The following EPHB4 variants were observed in gnomAD, a reference collection of about 807,000 sequenced individuals.
EPHB4 encodes EPH receptor B4.
Under a neutral mutation model 110.6 loss-of-function variants are expected in EPHB4, and 50 were observed. The observed-to-expected ratio is 0.45, with a 90% CI of 0.36 to 0.57. The LOEUF (loss-of-function observed/expected upper bound fraction) is 0.57, where lower values mean the gene tolerates loss of function less well. Among genes scored for constraint, EPHB4 ranks in the 20% least tolerant of loss-of-function variants. The pLI is 0.00. For missense variants in EPHB4, 1,128 were observed against 1,382.1 expected, an observed-to-expected ratio of 0.82 and a Z score of 2.91; for synonymous variants, 592 against 578.4, an observed-to-expected ratio of 1.02 and a Z score of -0.34.
Position 100,817,314 on chromosome 7 carries a change from T to C in EPHB4, c.1466A>G (p.Glu489Gly), listed in dbSNP as rs1304009447. ...PSSVRFLKTS[E>G]NRAELRGLKR... ...CAGCCCCCGCAGCTCTGCCCGGTTT[T>C]CTGACGTCTTCAGGAACCGCACGCT... The change falls in exon 8 of 17, where the codon GAA becomes GGA. Residue 489 changes from glutamate to glycine, a missense_variant. This residue lies in a region of EPHB4 where 728 missense variants were observed against 828.6 expected (regional missense o/e 0.88). Coordinates refer to ENST00000358173, the MANE Select transcript of EPHB4 (RefSeq NM_004444.5). The C allele has an allele frequency of 1.3e-6, 2 of 1,589,896 alleles. No homozygotes were observed. Among genetic ancestry groups the C allele is most frequent in the Non-Finnish European group, 1.7e-6 (2 of 1,169,114 alleles).
At chr7:100,814,880 G>T (rs1813028503) in intron 8 of EPHB4, among the ~76,000 whole-genome samples, 1 of 151,900 alleles carries the variant, frequency 6.6e-6, no homozygotes, top group African/African-American at 2.4e-5. Context: ...AGCCAAGCAT[G>T]GTGGTGAGCA....
rs1226681210 is a variant in EPHB4 at position 100,827,026 on chromosome 7, T to C, written c.5A>G (p.Glu2Gly). The C allele has an allele frequency of 1.3e-6, 2 of 1,582,476 alleles. No individual in the cohort carries two copies. The highest frequency in any genetic ancestry group is 4.7e-5 in the East Asian group (2 of 42,560). Residue 2 changes from glutamate (E) to glycine (G), a missense_variant, in exon 1 of 17, where the codon GAG becomes GGG. Around this residue, in one of 3 missense-constraint regions of EPHB4, gnomAD observed 728 missense variants for 828.6 expected, o/e 0.88. Transcript: ENST00000358173. The part of the protein sequence containing the change: M[E>G]LRVLLCWASL... The stretch of plus-strand genomic sequence containing the variant: ...AGCCCAGCAGAGCAGCACCCGGAGC[T>C]CCATGGCGCCGCCTCACTCGGGTAG...
chr7:100,826,413 T>C (rs1813398006), intron 1 of EPHB4, among the ~76,000 whole-genome samples: 2 of 152,062 alleles, frequency 1.3e-5, no homozygotes, highest in African/African-American at 4.8e-5. Context: ...GGAGCCACCC[T>C]ATACCAGGGG....
At chr7:100,811,317 C>T (rs1355034495) in intron 12 of EPHB4, among the ~76,000 whole-genome samples, 1 of 151,268 alleles carries the variant, frequency 6.6e-6, no homozygotes, top group Non-Finnish European at 1.5e-5. Flanking sequence ...GGTAAAGTGA[C>T]CAAATAAATT....
chr7:100,807,267 T>C, intron 13 of EPHB4, 98 bp downstream of exon 13: 1 of 1,287,116 alleles, frequency 7.8e-7, no homozygotes, highest in South Asian at 1.3e-5. Flanking sequence ...ATCCTCTCCC[T>C]GGAGCAGGGC....
In EPHB4 at chr7:100,823,914, G is replaced by C. The variant is rs1004215157; in HGVS notation, c.141C>G (p.Gly47=). 1.3e-6 allele frequency: 2 copies of C among 1,593,232 alleles called. No homozygotes were observed. Among genetic ancestry groups the C allele is most frequent in the Non-Finnish European group, 1.7e-6 (2 of 1,169,664 alleles). The change falls in exon 3 of 17, where the codon GGC becomes GGG. Residue 47 remains glycine (G), a synonymous_variant. Coordinates refer to ENST00000358173, the MANE Select transcript of EPHB4 (RefSeq NM_004444.5). ...QVDGQWEELS[G]LDEEQHSVRT... ...GCACGCTGTGCTGTTCCTCATCCAG[G>C]CCGCTCAGTTCCTCCCACTGTGCAG... is the stretch of plus-strand genomic sequence containing the variant.
chr7:100,822,413 G>T lies in EPHB4; in HGVS notation c.666C>A (p.Ser222Arg), dbSNP rs534237588. ...GGGCGGGGACGGCATCCACCACGCA[G>T]CTACCGGCCACGGGCACAACCAGCT... ...PRELVVPVAG[S>R]CVVDAVPAPG... Residue 222 changes from serine to arginine, a missense_variant, in exon 4 of 17, where the codon AGC (serine) becomes AGA (arginine). Coordinates refer to ENST00000358173, the MANE Select transcript of EPHB4 (RefSeq NM_004444.5). The surrounding 1 kb of genome is among the most constrained non-coding windows in gnomAD (Gnocchi z 4.7). The T allele has an allele frequency of 4.2e-5, 67 of 1,589,868 alleles. No individual in the cohort carries two copies. The highest frequency in any genetic ancestry group is 5.7e-5 in the Non-Finnish European group (66 of 1,166,808).
chr7:100,817,180 C>T lies in EPHB4; in HGVS notation c.1588+12G>A. On this transcript the variant is annotated intron_variant, in intron 8 of 16. Transcript: ENST00000358173. ...TTCCAACCCCCACCCTCACCCCCTT[C>T]CCCAGGCTCACCATCCAGTTGGGTC... 1.3e-6 allele frequency: 2 copies of T among 1,522,768 alleles called. No homozygotes were observed. Among genetic ancestry groups the T allele is most frequent in the Non-Finnish European group, 1.8e-6 (2 of 1,136,822 alleles). The allele number at this position is 1,522,768 out of a possible 1,614,324, so 94.3% of individuals were successfully genotyped here. A position where few individuals can be genotyped will look rare whatever the true frequency, so the allele number is the denominator to read the frequency against.
At chr7:100,818,493 C>G (rs749109457) in intron 7 of EPHB4, 27 bp downstream of exon 7, 1 of 1,610,514 alleles carries the variant, frequency 6.2e-7, no homozygotes, top group Non-Finnish European at 8.5e-7. Flanking sequence ...ATTGCCCACC[C>G]ACCCCAGGGC....
At chr7:100,824,307 G>A (rs1813318012) in intron 1 of EPHB4, 34 bp from the exon 2 acceptor site, 1 of 1,610,450 alleles carries the variant, frequency 6.2e-7, no homozygotes, top group African/African-American at 1.3e-5. Flanking sequence ...TCAGTGCCTG[G>A]GGTGGGGGAG....
chr7:100,824,540 C>G, intron 1 of EPHB4: 1 of 472,298 alleles, frequency 2.1e-6, no homozygotes, highest in South Asian at 2.7e-5. Context: ...GGAGGGAGAT[C>G]AAAATGTACG....
chr7:100,805,963 T>C (rs1562966987), intron 14 of EPHB4: 1 of 385,264 alleles, frequency 2.6e-6, no homozygotes, highest in African/African-American at 2.1e-5. Context: ...TACCCAACTC[T>C]TTTATTTATT....
chr7:100,806,360 C>T (rs140482690), intron 14 of EPHB4, 60 bp downstream of exon 14: 49 of 1,561,702 alleles, frequency 3.1e-5, no homozygotes, highest in Non-Finnish European at 4.1e-5. Flanking sequence ...CCACCCTTCA[C>T]CCCAAATCCC....
chr7:100,820,316 C>T lies in EPHB4; in HGVS notation c.809-20G>A. The T allele has an allele frequency of 6.2e-7, 1 of 1,610,556 alleles. No homozygotes were observed. The highest frequency in any genetic ancestry group is 8.5e-7 in the Non-Finnish European group (1 of 1,178,376). ...CACAGGCTGAGAGAGAGAAAGCATT[C>T]ATCAAAAGCATGCACAAAAACATCC... On this transcript the variant is annotated intron_variant, in intron 4 of 16. Transcript: ENST00000358173.
intron 4 of EPHB4, among the ~76,000 whole-genome samples, chr7:100,821,903 G>GT (rs1057005318): frequency 6.6e-6 from 1 of 151,988 alleles, no homozygotes. Flanking sequence ...ACGCACGCCT[G>GT]TAATCCCAGC....
intron 4 of EPHB4, among the ~76,000 whole-genome samples, chr7:100,821,782 C>T (rs753577098): frequency 6.6e-6 from 1 of 151,944 alleles, no homozygotes; most frequent in Non-Finnish European, 1.5e-5. Flanking sequence ...CCTGTGATTT[C>T]CATGGGGCCC....
Position 100,823,828 on chromosome 7 carries a change from C to A in EPHB4, c.227G>T (p.Gly76Val), listed in dbSNP as rs777167392. 5.0e-6 allele frequency: 8 copies of A among 1,613,184 alleles called. No individual in the cohort carries two copies. The highest frequency in any genetic ancestry group is 6.8e-6 in the Non-Finnish European group (8 of 1,179,922). The stretch of plus-strand genomic sequence containing the variant: ...GACGGCGCCCCGCCGTGGGACCCAA[C>A]CTGTGCGAAGCCAGTGGGCCTGGCC... ...APGQAHWLRTGWVPRRGAVHV... is the reference protein window; with the variant it reads ...APGQAHWLRTVWVPRRGAVHV... Residue 76 changes from glycine to valine, a missense_variant, in exon 3 of 17, where the codon GGT becomes GTT. Physicochemically the swap from Gly to Val is moderately radical, Grantham distance 109. Coordinates refer to ENST00000358173, the MANE Select transcript of EPHB4 (RefSeq NM_004444.5).
At chr7:100,805,468 C>T (rs372777956) in intron 15 of EPHB4, 33 bp downstream of exon 15, 81 of 1,529,924 alleles carry the variant, frequency 5.3e-5, no homozygotes, top group Non-Finnish European at 6.3e-5. Flanking sequence ...GGGCAGAGAG[C>T]GGGAAGGAGG....
At position 100,827,020 on chromosome 7, in the gene EPHB4, C is replaced by T. The variant is rs531830000; in HGVS notation, c.11G>A (p.Arg4Gln). 6 of 1,585,624 alleles carry T rather than the reference C, an allele frequency of 3.8e-6. No individual in the cohort carries two copies. In the African/African-American group the frequency reaches 5.4e-5, roughly 14 times the overall value. Reference sequence around the variant, plus strand: ...CAACGAAGCCCAGCAGAGCAGCACCCGGAGCTCCATGGCGCCGCCTCACTC... The same window carrying T: ...CAACGAAGCCCAGCAGAGCAGCACCTGGAGCTCCATGGCGCCGCCTCACTC... MELRVLLCWASLAA... is the reference protein window; with the variant it reads MELQVLLCWASLAA... Residue 4 changes from arginine (R) to glutamine (Q), a missense_variant, in exon 1 of 17, where the codon CGG (arginine) becomes CAG (glutamine). Around this residue, in one of 3 missense-constraint regions of EPHB4, gnomAD observed 728 missense variants for 828.6 expected, o/e 0.88. Transcript: ENST00000358173.
Sources: gnomAD v4.1 joint callset for allele counts (sites outside exome capture counted in the v4.1 genomes callset) on GRCh38, gnomAD v4.1.1 for gene constraint, gnomAD v4.1.1 regional missense constraint, Gnocchi (gnomAD v3.1) non-coding constraint, MANE v1.5 for transcripts, NCBI Gene and HGNC (gene_info 2026-07-23, HGNC 2026-07-21) for gene names.